Variants in PTPRG observed in about 807,000 individuals in gnomAD.
PTPRG encodes receptor-type tyrosine-protein phosphatase gamma.
Under a neutral mutation model 165.3 loss-of-function variants are expected in PTPRG, and 102 were observed. The ratio of observed to expected loss-of-function variants is 0.62; its 90% confidence interval spans 0.53 to 0.73. The LOEUF is 0.73. Ranked by LOEUF, PTPRG falls within the 30% of genes least tolerant of loss-of-function variation. The pLI is 0.00. For synonymous variants in PTPRG, 675 were observed against 669.5 expected, an observed-to-expected ratio of 1.01 and a Z score of -0.13; for missense variants, 1,866 against 1,861.4, an observed-to-expected ratio of 1.00 and a Z score of -0.05.
chr3:61,698,912 C>G (rs541346116), intron 1 of PTPRG, among the ~76,000 whole-genome samples: 1 of 151,948 alleles, frequency 6.6e-6, no homozygotes, highest in South Asian at 2.1e-4. Context: ...AGCAAACTAT[C>G]GCAAGGACAA....
At chr3:61,840,685 A>G (rs1239166531) in intron 2 of PTPRG, among the ~76,000 whole-genome samples, 1 of 151,382 alleles carries the variant, frequency 6.6e-6, no homozygotes, top group Non-Finnish European at 1.5e-5. Flanking sequence ...TGGAGTTTAT[A>G]TTGGGGGAGG....
At position 62,255,254 on chromosome 3, in the gene PTPRG, A is replaced by G. The variant is rs1701512391; in HGVS notation, c.2559+39A>G. 3 of 1,515,404 alleles carry G rather than the reference A, an allele frequency of 2.0e-6. No individual in the cohort carries two copies. Among genetic ancestry groups the G allele is most frequent in the Non-Finnish European group, 2.7e-6 (3 of 1,101,374 alleles). The allele number at this position is 1,515,404 out of a possible 1,614,324, so 93.9% of individuals were successfully genotyped here. A position where few individuals can be genotyped will look rare whatever the true frequency, so the allele number is the denominator to read the frequency against. ...CTGGAAGTTAACTTCCAGAAACCTAAGTCTTACTTTATGCAGATTTTTGTA... is the reference window on the plus strand; with the variant it reads ...CTGGAAGTTAACTTCCAGAAACCTAGGTCTTACTTTATGCAGATTTTTGTA... On this transcript the variant is annotated intron_variant, in intron 16 of 29. Transcript: ENST00000474889. This position sits in a 1 kb window ranked among gnomAD's most constrained non-coding sequence, Gnocchi z 4.0.
intron 1 of PTPRG, among the ~76,000 whole-genome samples, chr3:61,684,142 T>G (rs1308649451): frequency 3.3e-5 from 5 of 152,218 alleles, no homozygotes; most frequent in Non-Finnish European, 7.3e-5. Flanking sequence ...TTTCCTGGAC[T>G]TTTAAGAGTA....
intron 4 of PTPRG, among the ~76,000 whole-genome samples, chr3:62,019,854 A>G (rs1305451599): frequency 6.6e-6 from 1 of 152,212 alleles, no homozygotes; most frequent in Non-Finnish European, 1.5e-5. Flanking sequence ...TCCTGTGTAT[A>G]CTTAGAGTAC....
chr3:61,851,773 G>T (rs1239014465), intron 2 of PTPRG, among the ~76,000 whole-genome samples: 2 of 152,178 alleles, frequency 1.3e-5, no homozygotes, highest in Non-Finnish European at 2.9e-5. Flanking sequence ...TCTGATTGAG[G>T]TTCTAGTACA....
intron 2 of PTPRG, among the ~76,000 whole-genome samples, chr3:61,889,753 C>T (rs2038156195): frequency 6.6e-6 from 1 of 152,198 alleles, no homozygotes; most frequent in Non-Finnish European, 1.5e-5. Context: ...ATCATGCCTT[C>T]TTAAACTATT....
intron 4 of PTPRG, among the ~76,000 whole-genome samples, chr3:62,074,225 C>T (rs368627785): frequency 3.4e-5 from 5 of 146,530 alleles, no homozygotes; most frequent in East Asian, 4.0e-4. Flanking sequence ...ACAGAGAGAG[C>T]GCAAAAGAGG....
chr3:61,793,687 C>T (rs1210660786), intron 2 of PTPRG, among the ~76,000 whole-genome samples: 1 of 152,144 alleles, frequency 6.6e-6, no homozygotes, highest in Admixed American at 6.5e-5. Context: ...CAGCCAAGAC[C>T]TTAACTTGCA....
intron 2 of PTPRG, among the ~76,000 whole-genome samples, chr3:61,977,739 GCTC>G (rs1417973630): frequency 1.3e-5 from 2 of 151,998 alleles, no homozygotes; most frequent in Non-Finnish European, 2.9e-5. Flanking sequence ...GTAAAAAATT[GCTC>G]CTATTTCCTC....
chr3:62,281,538 C>CTTTTTATTTTTTTTTTTTTTTTTTTTT, intron 26 of PTPRG, 25 bp from the exon 27 acceptor site: 1 of 497,854 alleles, frequency 2.0e-6, no homozygotes, highest in Non-Finnish European at 2.6e-6. Flanking sequence ...ACTGCAGAGG[C>CTTTTTATTTTTTTTTTTTTTTTTTTTT]TTTTTTTTTT....
At position 61,592,641 on chromosome 3, in the gene PTPRG, C is replaced by CTTTTTTTTTTT. The variant is rs773860673; in HGVS notation, c.85+30272_85+30273insTTTTTTTTTTT. 1.4e-4 allele frequency among the ~76,000 whole-genome samples: 20 copies of CTTTTTTTTTTT among 139,956 alleles called. 1 individual carries two copies. Among genetic ancestry groups the CTTTTTTTTTTT allele is most frequent in the South Asian group, 2.2e-4 (1 of 4,528 alleles). 91.8% of individuals were successfully genotyped at this position (139,956 alleles called of 152,430 possible). ...CTTTTCTCTCTCTTTTTCTTTCTTT[C>CTTTTTTTTTTT]TTTCTTTCTTTTTTTTTTTTTTTAA... On this transcript the variant is annotated intron_variant, in intron 1 of 29. Coordinates refer to ENST00000474889, the MANE Select transcript of PTPRG (RefSeq NM_002841.4).
chr3:61,645,361 CTGA>C (rs1702171677), intron 1 of PTPRG, among the ~76,000 whole-genome samples: 2 of 152,242 alleles, frequency 1.3e-5, no homozygotes, highest in Non-Finnish European at 2.9e-5. Flanking sequence ...TTGGCCTTAA[CTGA>C]TAGATGATTC....
At chr3:61,564,924 T>TG (rs1323161897) in intron 1 of PTPRG, among the ~76,000 whole-genome samples, 4 of 152,366 alleles carry the variant, frequency 2.6e-5, no homozygotes, top group African/African-American at 9.6e-5. Context: ...GAGTTAGCCT[T>TG]GGGACCCCTA....
intron 2 of PTPRG, among the ~76,000 whole-genome samples, chr3:61,860,434 C>CTTTTTTTTTTTTTTTTTT (rs766688465): frequency 6.3e-5 from 6 of 95,528 alleles, no homozygotes; most frequent in East Asian, 3.7e-4. Flanking sequence ...GTTTTTGTTC[C>CTTTTTTTTTTTTTTTTTT]TTTTTTTTTT....
intron 1 of PTPRG, among the ~76,000 whole-genome samples, chr3:61,706,211 A>G (rs143562254): frequency 2.5e-4 from 38 of 149,776 alleles, no homozygotes; most frequent in African/African-American, 9.2e-4. Context: ...CTGGGGGGGA[A>G]AAAAAAAAGA....
intron 19 of PTPRG, 97 bp downstream of exon 19, chr3:62,267,916 A>G (rs1449379098): frequency 2.9e-6 from 4 of 1,376,424 alleles, no homozygotes; most frequent in Non-Finnish European, 4.0e-6. Context: ...CAAGGTATAA[A>G]GAGTTACGGA....
At chr3:61,811,590 T>C (rs555581705) in intron 2 of PTPRG, among the ~76,000 whole-genome samples, 17 of 152,320 alleles carry the variant, frequency 1.1e-4, no homozygotes, top group East Asian at 1.9e-4. Context: ...CTGAATTTCA[T>C]TGAAGTGTCC....
At chr3:61,563,351 G>T (rs1699817913) in intron 1 of PTPRG, among the ~76,000 whole-genome samples, 1 of 152,132 alleles carries the variant, frequency 6.6e-6, no homozygotes, top group Non-Finnish European at 1.5e-5. Flanking sequence ...GCACGTAACG[G>T]TGTGCGGCTC....
chr3:61,748,635 C>T (rs1471399070), intron 1 of PTPRG, among the ~76,000 whole-genome samples: 2 of 151,908 alleles, frequency 1.3e-5, no homozygotes, highest in Non-Finnish European at 2.9e-5. Context: ...ATATGAAGTG[C>T]TTAGTGTACT....
Sources: gnomAD v4.1 joint callset for allele counts (sites outside exome capture counted in the v4.1 genomes callset) on GRCh38, gnomAD v4.1.1 for gene constraint, Gnocchi (gnomAD v3.1) non-coding constraint, MANE v1.5 for transcripts, NCBI Gene and HGNC (gene_info 2026-07-23, HGNC 2026-07-21) for gene names.